The following FSTL5 variants were observed in gnomAD, a reference collection of about 807,000 sequenced individuals.
FSTL5 encodes follistatin like 5.
In FSTL5, 62 loss-of-function variants were observed where a neutral mutation model predicts 89.1. The ratio of observed to expected loss-of-function variants is 0.70; its 90% CI spans 0.57 to 0.86. The LOEUF (loss-of-function observed/expected upper bound fraction) is 0.86. Ranked by LOEUF, FSTL5 falls within the 40% of genes least tolerant of loss-of-function variation. The probability of loss-of-function intolerance (pLI) is 0.00; values close to 1 mark genes in which losing one functional copy is unlikely to be tolerated. For missense variants in FSTL5, 1,057 were observed against 1,001.6 expected (o/e 1.06, Z -0.75); for synonymous variants, 383 against 346.2 (o/e 1.11, Z -1.18).
intron 7 of FSTL5, among the ~76,000 whole-genome samples, chr4:161,614,273 T>C (rs1734763304): frequency 6.6e-6 from 1 of 152,176 alleles, no homozygotes; most frequent in Admixed American, 6.5e-5. Context: ...AATCTTGTTC[T>C]AGTATGAACC....
intron 8 of FSTL5, among the ~76,000 whole-genome samples, chr4:161,558,166 C>T (rs1420271395): frequency 2.0e-5 from 3 of 151,768 alleles, no homozygotes; most frequent in Non-Finnish European, 2.9e-5. Context: ...GTGTATGACT[C>T]CATTTATATA....
chr4:162,098,062 A>C (rs1730834788), intron 2 of FSTL5, among the ~76,000 whole-genome samples: 2 of 151,988 alleles, frequency 1.3e-5, no homozygotes, highest in South Asian at 4.1e-4. Flanking sequence ...AGTAAAAGGA[A>C]CTGAAGATAA....
chr4:161,851,760 TTG>T (rs780387744), intron 4 of FSTL5, among the ~76,000 whole-genome samples: 8 of 138,006 alleles, frequency 5.8e-5, no homozygotes, highest in South Asian at 2.3e-4. Flanking sequence ...TTTTTTTTTT[TTG>T]ATAATATATT....
intron 15 of FSTL5, among the ~76,000 whole-genome samples, chr4:161,416,105 A>G (rs1731771558): frequency 6.6e-6 from 1 of 152,136 alleles, no homozygotes; most frequent in Non-Finnish European, 1.5e-5. Context: ...TGTTTTCCCT[A>G]AAGCACAATG....
At chr4:161,599,043 C>T (rs1183268447) in intron 7 of FSTL5, among the ~76,000 whole-genome samples, 2 of 151,970 alleles carry the variant, frequency 1.3e-5, no homozygotes, top group African/African-American at 2.4e-5. Context: ...ATTATCAAAA[C>T]AGTGAAACTA....
chr4:161,861,629 A>T (rs1186472171), intron 4 of FSTL5, among the ~76,000 whole-genome samples: 1 of 152,178 alleles, frequency 6.6e-6, no homozygotes, highest in Admixed American at 6.6e-5. Context: ...TCCAGGTAGC[A>T]TTATATTTTT....
At chr4:161,705,194 A>G (rs1209839958) in intron 6 of FSTL5, among the ~76,000 whole-genome samples, 2 of 152,116 alleles carry the variant, frequency 1.3e-5, no homozygotes, top group Non-Finnish European at 1.5e-5. Context: ...ATAAATGTAC[A>G]TATACATTTA....
At chr4:161,881,279 G>A (rs1376617147) in intron 4 of FSTL5, among the ~76,000 whole-genome samples, 1 of 149,984 alleles carries the variant, frequency 6.7e-6, no homozygotes, top group Non-Finnish European at 1.5e-5. Context: ...TTTGTTCTTT[G>A]AAGACACACA....
chr4:161,616,494 C>T (rs1734872713), intron 7 of FSTL5, among the ~76,000 whole-genome samples: 2 of 152,140 alleles, frequency 1.3e-5, no homozygotes, highest in South Asian at 4.1e-4. Context: ...GTCAGCTTCC[C>T]TGCTTTTGAG....
At chr4:161,498,083 TATACATATACATATATATGTATAC>T (rs1229427553) in intron 12 of FSTL5, among the ~76,000 whole-genome samples, 2 of 146,766 alleles carry the variant, frequency 1.4e-5, no homozygotes, top group Non-Finnish European at 2.9e-5. Flanking sequence ...TGTATGTATA[TATACATATACATATATATGTATAC>T]ATAGATAAAT....
At chr4:161,587,620 T>A in intron 7 of FSTL5, 45 bp from the exon 8 acceptor site, 1 of 1,483,962 alleles carries the variant, frequency 6.7e-7, no homozygotes, top group East Asian at 2.3e-5. Context: ...TTTGAATTAA[T>A]TGTAACAATT....
chr4:161,400,480 C>A (rs191285066), intron 15 of FSTL5, among the ~76,000 whole-genome samples: 6 of 151,932 alleles, frequency 3.9e-5, no homozygotes, highest in African/African-American at 1.2e-4. Flanking sequence ...ATATAAAGAC[C>A]CATCTTCAAG....
chr4:161,822,246 CTG>C (rs1354710359), intron 4 of FSTL5, among the ~76,000 whole-genome samples: 6 of 152,154 alleles, frequency 3.9e-5, no homozygotes, highest in African/African-American at 1.4e-4. Flanking sequence ...CCAGAAACCT[CTG>C]TGGATGGTGG....
At chr4:161,628,593 T>A (rs1177529452) in intron 7 of FSTL5, among the ~76,000 whole-genome samples, 1 of 152,176 alleles carries the variant, frequency 6.6e-6, no homozygotes, top group African/African-American at 2.4e-5. Flanking sequence ...TGCAGAGAGA[T>A]GCCAAAAAGG....
intron 4 of FSTL5, among the ~76,000 whole-genome samples, chr4:161,792,341 C>A (rs1407231331): frequency 3.3e-5 from 5 of 152,086 alleles, no homozygotes; most frequent in African/African-American, 1.2e-4. Flanking sequence ...AGGCGCCCCG[C>A]AGCATGAATA....
intron 12 of FSTL5, among the ~76,000 whole-genome samples, chr4:161,499,360 A>G (rs780810993): frequency 6.6e-6 from 1 of 152,190 alleles, no homozygotes; most frequent in Non-Finnish European, 1.5e-5. Flanking sequence ...TCTTTGTCCT[A>G]CAAAATATCC....
intron 11 of FSTL5, among the ~76,000 whole-genome samples, chr4:161,500,441 C>A (rs947638528): frequency 6.6e-6 from 1 of 152,056 alleles, no homozygotes; most frequent in Non-Finnish European, 1.5e-5. Context: ...ATCTTGGATA[C>A]CTTCCCCACT....
chr4:162,123,553 T>G (rs1438603602), intron 1 of FSTL5, among the ~76,000 whole-genome samples: 3 of 152,154 alleles, frequency 2.0e-5, no homozygotes, highest in African/African-American at 7.2e-5. Flanking sequence ...GAGAGTAAAC[T>G]ATCCTTGTAG....
chr4:162,090,826 C>T (rs188005488), intron 2 of FSTL5, among the ~76,000 whole-genome samples: 9 of 151,936 alleles, frequency 5.9e-5, no homozygotes, highest in South Asian at 2.1e-4. Flanking sequence ...CACACACACA[C>T]GAGATACCAT....
Sources: allele counts gnomAD v4.1 joint callset (sites outside exome capture counted in the v4.1 genomes callset), GRCh38; gene constraint gnomAD v4.1.1; transcripts MANE v1.5; gene names NCBI Gene and HGNC (gene_info 2026-07-23, HGNC 2026-07-21).